FAT3: variants seen among roughly 807,000 people sequenced by gnomAD.
The protein encoded by FAT3 is protocadherin Fat 3.
FAT3 carries 95 observed loss-of-function variants against 310.2 expected under a neutral mutation model. That is an observed-to-expected ratio of 0.31 (90% CI 0.26 to 0.36). FAT3 has a LOEUF of 0.36. FAT3 is among the 10% of genes least tolerant of loss of function. The pLI, the probability that FAT3 is intolerant of heterozygous loss-of-function variation, is 1.00. For synonymous variants in FAT3, 2,314 were observed against 2,192.9 expected, an observed-to-expected ratio of 1.06 and a Z score of -1.54; for missense variants, 5,408 against 5,715.6, an observed-to-expected ratio of 0.95 and a Z score of 1.74.
At chr11:92,518,326 A>G (rs1348868927) in intron 2 of FAT3, among the ~76,000 whole-genome samples, 1 of 152,166 alleles carries the variant, frequency 6.6e-6, no homozygotes, top group Non-Finnish European at 1.5e-5. Flanking sequence ...ATGGAATACT[A>G]TGCAGCCATA....
chr11:92,870,119 G>T (rs377384121), intron 22 of FAT3, among the ~76,000 whole-genome samples: 13 of 152,168 alleles, frequency 8.5e-5, no homozygotes, highest in Admixed American at 2.6e-4. Flanking sequence ...ATTGGTCATC[G>T]GTTCTCCTGG....
intron 19 of FAT3, among the ~76,000 whole-genome samples, chr11:92,846,896 G>C (rs994672097): frequency 3.3e-5 from 5 of 152,318 alleles, no homozygotes; most frequent in African/African-American, 1.2e-4. Flanking sequence ...CTAGATTTTA[G>C]TGGTAAAGGA....
rs538551505 is a variant in FAT3, at chr11:92,290,099, A to T, written c.-17-61997A>T. Among the ~76,000 whole-genome samples, 4 of 151,988 alleles carry T rather than the reference A, an allele frequency of 2.6e-5. No homozygotes were observed. In the South Asian group the frequency reaches 6.2e-4, roughly 24 times the overall value. On this transcript the variant is annotated intron_variant, in intron 1 of 27. Coordinates refer to ENST00000525166, the MANE Select transcript of FAT3 (RefSeq NM_001367949.2). The stretch of plus-strand genomic sequence containing the variant: ...TCAGCCTGCTGTGCTCTTCCCCATC[A>T]TCTGCATGGCTCACTCCCTTACCTT...
intron 23 of FAT3, among the ~76,000 whole-genome samples, chr11:92,882,027 T>C (rs192360359): frequency 3.8e-4 from 58 of 152,244 alleles, no homozygotes; most frequent in Admixed American, 3.5e-3. Context: ...CCAAAGACTT[T>C]CCTCTGGGGA....
chr11:92,322,927 T>TC (rs1367775274), intron 1 of FAT3, among the ~76,000 whole-genome samples: 1 of 152,026 alleles, frequency 6.6e-6, no homozygotes, highest in Admixed American at 6.6e-5. Context: ...TATTTTGACC[T>TC]CCCCCCAAGA....
intron 1 of FAT3, among the ~76,000 whole-genome samples, chr11:92,346,381 G>A (rs942611674): frequency 2.6e-5 from 4 of 152,062 alleles, no homozygotes; most frequent in African/African-American, 7.2e-5. Flanking sequence ...GTGCACACAC[G>A]GGAATTGGAA....
intron 3 of FAT3, among the ~76,000 whole-genome samples, chr11:92,533,976 T>C (rs1177538156): frequency 6.6e-6 from 1 of 152,232 alleles, no homozygotes; most frequent in East Asian, 1.9e-4. Context: ...CATAAATTTC[T>C]CTTTTATTTC....
At chr11:92,433,209 C>T (rs1349333963) in intron 2 of FAT3, among the ~76,000 whole-genome samples, 2 of 152,164 alleles carry the variant, frequency 1.3e-5, no homozygotes, top group East Asian at 3.9e-4. Flanking sequence ...CCACTTGGCT[C>T]CCTGGCTTCA....
At chr11:92,685,707 C>T (rs760958852) in intron 3 of FAT3, among the ~76,000 whole-genome samples, 4 of 151,716 alleles carry the variant, frequency 2.6e-5, no homozygotes, top group Non-Finnish European at 4.4e-5. Context: ...CAATGAGTAG[C>T]CTGGGCTCTT....
At chr11:92,764,856 C>T in intron 5 of FAT3, 23 bp from the exon 6 acceptor site, 1 of 1,606,366 alleles carries the variant, frequency 6.2e-7, no homozygotes, top group African/African-American at 1.3e-5. Flanking sequence ...AGACATCTTT[C>T]TCTTCTCTCC....
intron 2 of FAT3, among the ~76,000 whole-genome samples, chr11:92,388,141 T>G (rs1251298547): frequency 8.5e-5 from 13 of 152,176 alleles, no homozygotes; most frequent in Admixed American, 7.9e-4. Context: ...AGCAATGACA[T>G]TTTTATTATT....
chr11:92,315,508 T>TAGAC (rs1456432670), intron 1 of FAT3, among the ~76,000 whole-genome samples: 1 of 83,352 alleles, frequency 1.2e-5, no homozygotes, highest in Non-Finnish European at 2.3e-5. Context: ...TATATATATA[T>TAGAC]ATATAGAGAG....
At chr11:92,818,495 A>G (rs1947880665) in intron 13 of FAT3, among the ~76,000 whole-genome samples, 1 of 136,212 alleles carries the variant, frequency 7.3e-6, no homozygotes, top group Admixed American at 7.4e-5. Context: ...CTAAGTAGAC[A>G]GCTTCCTCGC....
At chr11:92,675,724 T>C (rs1012660870) in intron 3 of FAT3, among the ~76,000 whole-genome samples, 1 of 152,212 alleles carries the variant, frequency 6.6e-6, no homozygotes, top group East Asian at 1.9e-4. Context: ...TTACAAGAAC[T>C]TGGGTCAAAT....
At position 92,883,436 on chromosome 11, in the gene FAT3, G is replaced by C; in HGVS notation, c.12937+43G>C. The C allele has an allele frequency of 1.3e-6, 2 of 1,560,780 alleles. No homozygotes were observed. Among genetic ancestry groups the C allele is most frequent in the Non-Finnish European group, 1.7e-6 (2 of 1,151,732 alleles). On this transcript the variant is annotated intron_variant, in intron 24 of 27. Transcript: ENST00000525166. The surrounding 1 kb of genome is among the most constrained non-coding windows in gnomAD (Gnocchi z 4.2). ...ATGCTCACCCCTCGGTGCTTACAGG[G>C]AACCTGCAGGGGCGCTGTGCGAGGA...
At chr11:92,278,237 T>C (rs561597896) in intron 1 of FAT3, among the ~76,000 whole-genome samples, 1 of 152,336 alleles carries the variant, frequency 6.6e-6, no homozygotes, top group South Asian at 2.1e-4. Flanking sequence ...ATTAATCCTT[T>C]AATAAACTTT....
At chr11:92,249,414 T>C (rs1865050098) in intron 1 of FAT3, among the ~76,000 whole-genome samples, 1 of 152,134 alleles carries the variant, frequency 6.6e-6, no homozygotes, top group African/African-American at 2.4e-5. Flanking sequence ...TTGGAGGTCT[T>C]AGCAAGTGAA....
chr11:92,877,607 G>A (rs1281911102), intron 22 of FAT3, among the ~76,000 whole-genome samples: 2 of 152,150 alleles, frequency 1.3e-5, no homozygotes, highest in Admixed American at 1.3e-4. Context: ...CTGTTGCTAG[G>A]GAAACTGACC....
intron 3 of FAT3, among the ~76,000 whole-genome samples, chr11:92,648,386 AG>A (rs930803658): frequency 7.2e-5 from 11 of 152,176 alleles, no homozygotes; most frequent in Non-Finnish European, 1.0e-4. Context: ...TGTGCTGTGC[AG>A]GCCCCTCCAG....
Sources: gnomAD v4.1 joint callset for allele counts (sites outside exome capture counted in the v4.1 genomes callset) on GRCh38, gnomAD v4.1.1 for gene constraint, Gnocchi (gnomAD v3.1) non-coding constraint, MANE v1.5 for transcripts, NCBI Gene and HGNC (gene_info 2026-07-23, HGNC 2026-07-21) for gene names.